Variants in MEIS1 observed in about 807,000 individuals in gnomAD.
The protein encoded by MEIS1 is homeobox protein Meis1.
In MEIS1, 5 loss-of-function variants were observed where a neutral mutation model predicts 50.8. The observed-to-expected ratio is 0.10, with a 90% CI of 0.05 to 0.21. MEIS1 has a LOEUF of 0.21. Ranked by LOEUF, MEIS1 falls within the 10% of genes least tolerant of loss-of-function variation. The pLI is 1.00. For synonymous variants in MEIS1, 176 were observed against 179.3 expected (o/e 0.98, Z 0.15); for missense variants, 318 against 517.3 (o/e 0.61, Z 3.74).
intron 6 of MEIS1, among the ~76,000 whole-genome samples, chr2:66,449,174 T>A (rs1479562613): frequency 6.6e-6 from 1 of 152,136 alleles, no homozygotes; most frequent in Non-Finnish European, 1.5e-5. Flanking sequence ...TTTAAAGATT[T>A]TCCAGATCCC....
At chr2:66,481,406 C>T (rs1673013279) in intron 7 of MEIS1, among the ~76,000 whole-genome samples, 1 of 152,208 alleles carries the variant, frequency 6.6e-6, no homozygotes, top group African/African-American at 2.4e-5. Flanking sequence ...CAAATTCCTT[C>T]CTGCTGCCTA....
intron 4 of MEIS1, chr2:66,441,083 T>C (rs1671968294): frequency 2.8e-6 from 1 of 356,340 alleles, no homozygotes; most frequent in Non-Finnish European, 5.0e-6. Context: ...TTCTGTCCAC[T>C]CCTTCCAAGG....
intron 8 of MEIS1, among the ~76,000 whole-genome samples, chr2:66,534,033 T>C (rs1455319753): frequency 6.6e-6 from 1 of 152,218 alleles, no homozygotes; most frequent in South Asian, 2.1e-4. Context: ...TACTGTTTAC[T>C]AGTCTCTAAA....
chr2:66,445,729 G>A (rs1672116655), intron 6 of MEIS1, among the ~76,000 whole-genome samples: 1 of 152,160 alleles, frequency 6.6e-6, no homozygotes, highest in African/African-American at 2.4e-5. Context: ...TGGGATCGAC[G>A]ACTTTGATAC....
intron 7 of MEIS1, among the ~76,000 whole-genome samples, chr2:66,469,424 G>A (rs1009404182): frequency 1.3e-5 from 2 of 152,154 alleles, no homozygotes; most frequent in African/African-American, 4.8e-5. Flanking sequence ...CCAGCAGGCA[G>A]AGCGGCCTGA....
Position 66,519,086 on chromosome 2 carries a change from A to G in MEIS1, c.888+6792A>G, listed in dbSNP as rs1290153713. Among the ~76,000 whole-genome samples, 5 of 152,258 alleles carry G rather than the reference A, an allele frequency of 3.3e-5. No individual in the cohort carries two copies. The East Asian group carries it at 7.7e-4, about 24-fold the overall frequency. ...AGTAGGGAAAACTGATCCATTTTAC[A>G]TCTTTTAATCCCCTAAGTAGCCTTG... is the stretch of plus-strand genomic sequence containing the variant. On this transcript the variant is annotated intron_variant, in intron 8 of 12. Coordinates refer to ENST00000272369, the MANE Select transcript of MEIS1 (RefSeq NM_002398.3).
At chr2:66,459,485 C>A (rs1209824954) in intron 6 of MEIS1, among the ~76,000 whole-genome samples, 1 of 152,108 alleles carries the variant, frequency 6.6e-6, no homozygotes, top group East Asian at 1.9e-4. Context: ...GATTGATAGT[C>A]AGGATGCAAT....
intron 6 of MEIS1, among the ~76,000 whole-genome samples, chr2:66,444,601 C>T (rs1193249743): frequency 6.6e-6 from 1 of 152,230 alleles, no homozygotes; most frequent in Non-Finnish European, 1.5e-5. Context: ...GCAGCGTGCG[C>T]AATCCCAGTG....
chr2:66,518,722 T>G (rs191774890), intron 8 of MEIS1, among the ~76,000 whole-genome samples: 1 of 152,216 alleles, frequency 6.6e-6, no homozygotes. Flanking sequence ...TGTGTGTATA[T>G]TTTTTTAACG....
intron 9 of MEIS1, among the ~76,000 whole-genome samples, chr2:66,548,705 T>C (rs1294880870): frequency 3.3e-5 from 5 of 152,242 alleles, no homozygotes; most frequent in African/African-American, 1.2e-4. Flanking sequence ...TTTGTGAATG[T>C]GCTGAAAGCC....
intron 7 of MEIS1, among the ~76,000 whole-genome samples, chr2:66,478,025 G>C (rs540763594): frequency 6.6e-6 from 1 of 152,126 alleles, no homozygotes; most frequent in Admixed American, 6.5e-5. Context: ...CTGTCACCTG[G>C]TACTTAGTGT....
At chr2:66,439,379 C>T in intron 2 of MEIS1, 3 of 1,257,234 alleles carry the variant, frequency 2.4e-6, no homozygotes, top group Non-Finnish European at 3.0e-6. Flanking sequence ...GAGCGCCTGC[C>T]ACCGAGATCC....
chr2:66,439,801 A>T, intron 2 of MEIS1, 42 bp from the exon 3 acceptor site: 4 of 1,609,126 alleles, frequency 2.5e-6, no homozygotes, highest in Non-Finnish European at 3.4e-6. Context: ...TTGACTGGGG[A>T]CTAACCATTA....
intron 8 of MEIS1, among the ~76,000 whole-genome samples, chr2:66,546,313 G>A (rs1674790763): frequency 6.6e-6 from 1 of 152,178 alleles, no homozygotes; most frequent in Non-Finnish European, 1.5e-5. Context: ...GAAGGATGGT[G>A]TGGCTTGGTA....
At chr2:66,474,629 T>C (rs1283637026) in intron 7 of MEIS1, among the ~76,000 whole-genome samples, 5 of 152,170 alleles carry the variant, frequency 3.3e-5, no homozygotes, top group Non-Finnish European at 7.3e-5. Context: ...AGAAATGTAG[T>C]TGGTAAAGTT....
chr2:66,525,313 T>G (rs1437733325), intron 8 of MEIS1, among the ~76,000 whole-genome samples: 1 of 152,198 alleles, frequency 6.6e-6, no homozygotes, highest in African/African-American at 2.4e-5. Flanking sequence ...AAAATGTAGA[T>G]TCTGATTGAG....
At position 66,456,526 on chromosome 2, in the gene MEIS1, G is replaced by A. The variant is rs373208116; in HGVS notation, c.631-7583G>A. ...AAAGCCACAGATTCTGAAGAGGGAT[G>A]CTGGATTTCCATTGTCTTACCGCTA... On this transcript the variant is annotated intron_variant, in intron 6 of 12. Transcript: ENST00000272369. 1.2e-4 allele frequency among the ~76,000 whole-genome samples: 19 copies of A among 152,332 alleles called. 1 individual carries two copies. Among genetic ancestry groups the A allele is most frequent in the Middle Eastern group, 3.4e-3 (1 of 294 alleles).
chr2:66,565,702 GT>G (rs901779872), intron 9 of MEIS1, among the ~76,000 whole-genome samples: 3 of 152,112 alleles, frequency 2.0e-5, no homozygotes, highest in African/African-American at 7.2e-5. Flanking sequence ...AAAAGATTAT[GT>G]TTTTAAAAAG....
intron 9 of MEIS1, among the ~76,000 whole-genome samples, chr2:66,559,397 C>CA (rs1675155847): frequency 2.0e-5 from 3 of 152,138 alleles, no homozygotes; most frequent in Non-Finnish European, 2.9e-5. Flanking sequence ...GTTTAGATGA[C>CA]AAATTATCTG....
Sources: gnomAD v4.1 joint callset for allele counts (sites outside exome capture counted in the v4.1 genomes callset) on GRCh38, gnomAD v4.1.1 for gene constraint, MANE v1.5 for transcripts, NCBI Gene and HGNC (gene_info 2026-07-23, HGNC 2026-07-21) for gene names.